AGTPBP1: variants seen among roughly 807,000 people sequenced by gnomAD.
AGTPBP1 encodes cytosolic carboxypeptidase 1.
Under a neutral mutation model 143.9 loss-of-function variants are expected in AGTPBP1, and 70 were observed. The observed-to-expected ratio is 0.49, with a 90% CI of 0.40 to 0.59. The LOEUF is 0.59. AGTPBP1 is among the 20% of genes least tolerant of loss of function. The pLI is 0.00. For synonymous variants in AGTPBP1, 463 were observed against 500.2 expected (o/e 0.93, Z 0.99); for missense variants, 1,229 against 1,464.5 (o/e 0.84, Z 2.62).
intron 11 of AGTPBP1, among the ~76,000 whole-genome samples, chr9:85,652,494 G>C (rs112397351): frequency 7.9e-5 from 12 of 152,204 alleles, no homozygotes; most frequent in African/African-American, 2.9e-4. Flanking sequence ...CCTGAAGACA[G>C]AGTGAGACTT....
At chr9:85,762,813 G>A in the AGTPBP1 span, among the ~76,000 whole-genome samples, 1 of 146,780 alleles carries the variant, frequency 6.8e-6, no homozygotes, top group Non-Finnish European at 1.5e-5. Flanking sequence ...TTATATATAT[G>A]TAAAACTTTA....
At chr9:85,697,979 T>TA (rs1390771200) in intron 2 of AGTPBP1, among the ~76,000 whole-genome samples, 1 of 152,080 alleles carries the variant, frequency 6.6e-6, no homozygotes, top group African/African-American at 2.4e-5. Flanking sequence ...CACATCTTTT[T>TA]AAAAATTTCT....
At chr9:85,616,283 G>A (rs769147966) in intron 17 of AGTPBP1, among the ~76,000 whole-genome samples, 1 of 151,948 alleles carries the variant, frequency 6.6e-6, no homozygotes, top group South Asian at 2.1e-4. Context: ...AGAAGGAGAG[G>A]AAATTTAAAA....
chr9:85,548,911 G>T (rs1221816529), intron 25 of AGTPBP1, among the ~76,000 whole-genome samples: 2 of 152,160 alleles, frequency 1.3e-5, no homozygotes, highest in Non-Finnish European at 2.9e-5. Flanking sequence ...CTGACCTCAA[G>T]TGATCCGCCT....
At chr9:85,753,947 G>T in the AGTPBP1 span, among the ~76,000 whole-genome samples, 1 of 152,088 alleles carries the variant, frequency 6.6e-6, no homozygotes, top group Non-Finnish European at 1.5e-5. Context: ...AGGTTTGTTA[G>T]ATGGGTATAT....
chr9:85,759,535 G>T, the AGTPBP1 span, among the ~76,000 whole-genome samples: 1 of 151,872 alleles, frequency 6.6e-6, no homozygotes, highest in Non-Finnish European at 1.5e-5. Flanking sequence ...GGTACATAAC[G>T]AAATGAAGGC....
chr9:85,583,369 C>G (rs1239140530), intron 23 of AGTPBP1, among the ~76,000 whole-genome samples: 2 of 152,084 alleles, frequency 1.3e-5, no homozygotes, highest in Non-Finnish European at 2.9e-5. Context: ...CGCACCTGCC[C>G]TACAACCCTG....
At chr9:85,751,020 C>T in the AGTPBP1 span, among the ~76,000 whole-genome samples, 5 of 152,226 alleles carry the variant, frequency 3.3e-5, no homozygotes, top group African/African-American at 1.2e-4. Flanking sequence ...TACCTCTCTG[C>T]TCTTTCAGCA....
At chr9:85,677,398 G>C (rs1198525670) in intron 6 of AGTPBP1, 38 bp downstream of exon 6, 21 of 1,573,378 alleles carry the variant, frequency 1.3e-5, no homozygotes, top group Non-Finnish European at 1.8e-5. Flanking sequence ...TACAAAAATA[G>C]TTCTAGATAC....
chr9:85,757,607 A>G, the AGTPBP1 span, among the ~76,000 whole-genome samples: 3 of 152,190 alleles, frequency 2.0e-5, no homozygotes, highest in Non-Finnish European at 4.4e-5. Context: ...CCAAGATCCT[A>G]CATATATGCT....
At chr9:85,622,300 A>C (rs917823005) in intron 14 of AGTPBP1, among the ~76,000 whole-genome samples, 4 of 152,222 alleles carry the variant, frequency 2.6e-5, no homozygotes, top group African/African-American at 9.6e-5. Flanking sequence ...GAATCCATTA[A>C]ACACTGACAG....
chr9:85,795,332 T>C, the AGTPBP1 span, among the ~76,000 whole-genome samples: 3 of 152,186 alleles, frequency 2.0e-5, no homozygotes, highest in African/African-American at 7.2e-5. Context: ...ATTTTAAAGA[T>C]TAATTATAAT....
chr9:85,682,122 T>C (rs2134168985), intron 3 of AGTPBP1, among the ~76,000 whole-genome samples: 1 of 135,638 alleles, frequency 7.4e-6, no homozygotes, highest in East Asian at 2.3e-4. Context: ...TCTGAAACAA[T>C]CTGGAGACCA....
At chr9:85,675,814 T>C (rs1587877005) in intron 6 of AGTPBP1, among the ~76,000 whole-genome samples, 1 of 152,066 alleles carries the variant, frequency 6.6e-6, no homozygotes, top group South Asian at 2.1e-4. Context: ...TCATGAGGTC[T>C]GGAGTTTGAG....
intron 13 of AGTPBP1, among the ~76,000 whole-genome samples, chr9:85,636,684 G>A (rs759509648): frequency 7.2e-5 from 11 of 152,238 alleles, no homozygotes; most frequent in Middle Eastern, 3.4e-3. Flanking sequence ...AGAAAAAAGA[G>A]GTTAAAAGAC....
intron 14 of AGTPBP1, among the ~76,000 whole-genome samples, chr9:85,622,781 C>A (rs1831020941): frequency 1.3e-5 from 2 of 152,026 alleles, no homozygotes; most frequent in African/African-American, 4.8e-5. Flanking sequence ...TAAATAAATT[C>A]AGAATTTACA....
At chr9:85,651,442 C>T (rs1172478785) in intron 11 of AGTPBP1, among the ~76,000 whole-genome samples, 2 of 152,058 alleles carry the variant, frequency 1.3e-5, no homozygotes, top group Non-Finnish European at 2.9e-5. Flanking sequence ...TGTAAATACC[C>T]ACTTTATAAT....
At chr9:85,704,023 T>C (rs1382220909) in intron 2 of AGTPBP1, among the ~76,000 whole-genome samples, 2 of 151,958 alleles carry the variant, frequency 1.3e-5, no homozygotes, top group Non-Finnish European at 2.9e-5. Context: ...GAAGCAAAAA[T>C]AAAATAAATC....
chr9:85,763,268 A>G, the AGTPBP1 span, among the ~76,000 whole-genome samples: 1 of 152,102 alleles, frequency 6.6e-6, no homozygotes, highest in South Asian at 2.1e-4. Context: ...AACTATGAAA[A>G]AGGAAGACTC....
Sources: gnomAD v4.1 joint callset for allele counts (sites outside exome capture counted in the v4.1 genomes callset) on GRCh38, gnomAD v4.1.1 for gene constraint, MANE v1.5 for transcripts, NCBI Gene and HGNC (gene_info 2026-07-23, HGNC 2026-07-21) for gene names.